Variants in LOXHD1 observed in about 807,000 individuals in gnomAD.
The protein encoded by LOXHD1 is lipoxygenase homology domain-containing protein 1.
In LOXHD1, 205 loss-of-function variants were observed where a neutral mutation model predicts 248.2. The observed-to-expected ratio is 0.83, with a 90% CI of 0.74 to 0.93. The LOEUF is 0.93. Ranked by LOEUF, LOXHD1 falls within the 40% of genes least tolerant of loss-of-function variation. The pLI is 0.00. For synonymous variants in LOXHD1, 1,113 were observed against 1,162.8 expected (o/e 0.96, Z 0.87); for missense variants, 2,930 against 2,971.6 (o/e 0.99, Z 0.33).
At chr18:46,563,015 G>C (rs1272518768) in intron 18 of LOXHD1, 50 bp downstream of exon 18, 2 of 1,510,344 alleles carry the variant, frequency 1.3e-6, no homozygotes, top group Non-Finnish European at 9.0e-7. Flanking sequence ...GAAGCATCTT[G>C]GTGTCCACTG....
At chr18:46,535,888 G>T (rs535247175) in intron 26 of LOXHD1, among the ~76,000 whole-genome samples, 1 of 152,092 alleles carries the variant, frequency 6.6e-6, no homozygotes, top group Non-Finnish European at 1.5e-5. Flanking sequence ...CAGTTCTAAC[G>T]CCTCAGAGAG....
At chr18:46,642,113 C>T (rs1021521042) in intron 2 of LOXHD1, 77 bp from the exon 3 acceptor site, 4 of 1,281,578 alleles carry the variant, frequency 3.1e-6, no homozygotes, top group Admixed American at 2.0e-5. Context: ...GGCTGGCATT[C>T]CGCTTCTTCC....
At chr18:46,479,211 G>A (rs1322307441) in intron 40 of LOXHD1, among the ~76,000 whole-genome samples, 2 of 144,646 alleles carry the variant, frequency 1.4e-5, no homozygotes, top group Non-Finnish European at 3.0e-5. Context: ...TGGCTGAGTT[G>A]AACAAAGAGT....
At chr18:46,646,810 C>T (rs10502874) in intron 2 of LOXHD1, among the ~76,000 whole-genome samples, 1 of 152,240 alleles carries the variant, frequency 6.6e-6, no homozygotes, top group African/African-American at 2.4e-5. Flanking sequence ...TAAAGTCTCG[C>T]TCTAGCCACA....
At chr18:46,485,503 G>A (rs1214907099) in intron 38 of LOXHD1, among the ~76,000 whole-genome samples, 1 of 152,086 alleles carries the variant, frequency 6.6e-6, no homozygotes, top group Non-Finnish European at 1.5e-5. Context: ...CAGTGCAAAA[G>A]CAAAGGGGAA....
At chr18:46,539,088 T>C (rs531989744) in intron 25 of LOXHD1, among the ~76,000 whole-genome samples, 1 of 152,182 alleles carries the variant, frequency 6.6e-6, no homozygotes, top group Non-Finnish European at 1.5e-5. Flanking sequence ...CAGCCACCGG[T>C]GTGAACAGAG....
intron 21 of LOXHD1, among the ~76,000 whole-genome samples, chr18:46,548,745 A>C (rs1257774368): frequency 6.6e-6 from 1 of 152,212 alleles, no homozygotes; most frequent in African/African-American, 2.4e-5. Flanking sequence ...GAGGACAAGG[A>C]CAGAACGAGA....
rs570596633 is a variant in LOXHD1 at position 46,477,341 on chromosome 18, C to T, written c.*131G>A. 6 of 1,247,994 alleles carry T rather than the reference C, an allele frequency of 4.8e-6. No homozygotes were observed. In the African/African-American group the frequency reaches 6.0e-5, roughly 12 times the overall value. 77.3% of individuals were successfully genotyped at this position (1,247,994 alleles called of 1,614,324 possible). Reference sequence around the variant, plus strand: ...GGGGGTAGGGTGGGGAGCAGGACCCCATGAAGTTCTCAGTGGACTGCTAGC... The same window carrying T: ...GGGGGTAGGGTGGGGAGCAGGACCCTATGAAGTTCTCAGTGGACTGCTAGC... On this transcript the variant is annotated 3_prime_UTR_variant, in exon 41 of 41. Coordinates refer to ENST00000642948, the MANE Select transcript of LOXHD1 (RefSeq NM_001384474.1).
intron 40 of LOXHD1, among the ~76,000 whole-genome samples, chr18:46,478,756 G>T (rs1396732918): frequency 6.6e-6 from 1 of 152,026 alleles, no homozygotes; most frequent in Admixed American, 6.6e-5. Flanking sequence ...GCAATGGCGC[G>T]ATCATAGCTC....
intron 12 of LOXHD1, among the ~76,000 whole-genome samples, chr18:46,590,201 C>T (rs1295523488): frequency 6.6e-6 from 1 of 152,066 alleles, no homozygotes; most frequent in Non-Finnish European, 1.5e-5. Flanking sequence ...AGTCCCATTC[C>T]AGACTAACTG....
chr18:46,570,764 A>C (rs1232229701), intron 15 of LOXHD1, among the ~76,000 whole-genome samples: 1 of 152,060 alleles, frequency 6.6e-6, no homozygotes, highest in Non-Finnish European at 1.5e-5. Context: ...AATTGCAAAA[A>C]AGTTTTATGT....
intron 29 of LOXHD1, among the ~76,000 whole-genome samples, chr18:46,525,726 G>C (rs1351823968): frequency 6.6e-6 from 1 of 152,140 alleles, no homozygotes; most frequent in Non-Finnish European, 1.5e-5. Context: ...GAGGGGACAG[G>C]TGACACTGAG....
At chr18:46,551,690 TGATATCACAATCTTGTAAAAA>T (rs947737920) in intron 21 of LOXHD1, among the ~76,000 whole-genome samples, 22 of 152,274 alleles carry the variant, frequency 1.4e-4, no homozygotes, top group South Asian at 6.2e-4. Flanking sequence ...TAAAATTTTC[TGATATCACAATCTTGTAAAAA>T]GATATCACAA....
intron 25 of LOXHD1, among the ~76,000 whole-genome samples, chr18:46,540,006 T>C (rs550100097): frequency 1.3e-5 from 2 of 152,336 alleles, no homozygotes; most frequent in African/African-American, 4.8e-5. Context: ...GCAGTAGTAA[T>C]AGTAGTAATA....
chr18:46,582,345 C>A (rs2037979554), intron 12 of LOXHD1, among the ~76,000 whole-genome samples: 1 of 151,548 alleles, frequency 6.6e-6, no homozygotes, highest in African/African-American at 2.4e-5. Flanking sequence ...TAATATTAAT[C>A]TGAACTAGAT....
At chr18:46,559,211 G>A (rs2037455327) in intron 20 of LOXHD1, 1 of 1,481,984 alleles carries the variant, frequency 6.7e-7, no homozygotes, top group African/African-American at 1.4e-5. Flanking sequence ...TTCTCTGTTT[G>A]TTCCTGTGGG....
rs560805434 is a variant in LOXHD1 at position 46,500,580 on chromosome 18, A to G, written c.5878+5258T>C. Among the ~76,000 whole-genome samples, 17 of 152,286 alleles carry G rather than the reference A, an allele frequency of 1.1e-4. No individual in the cohort carries two copies. In the East Asian group the frequency reaches 3.1e-3, roughly 28 times the overall value. On this transcript the variant is annotated intron_variant, in intron 37 of 40. Coordinates refer to ENST00000642948, the MANE Select transcript of LOXHD1 (RefSeq NM_001384474.1). ...TCTCCATGTAACCTACCTCCCACAG[A>G]CACTACAATGATCTTCTCTGAGTGA...
chr18:46,621,736 A>AT (rs1469551906), intron 4 of LOXHD1, among the ~76,000 whole-genome samples: 4 of 152,020 alleles, frequency 2.6e-5, no homozygotes, highest in African/African-American at 9.7e-5. Flanking sequence ...TGAAAGACCA[A>AT]TTAAAAAAAA....
rs768589402 is a variant in LOXHD1 at position 46,483,602 on chromosome 18, A to C, written c.6326T>G (p.Met2109Arg). ...CAGTACATACACATTGCCGTACTCC[A>C]TCTCGGTGATGGTGATGGTCTTGAC... ...WHVKTITITE[M>R]EYGNVYFFNC... The change falls in exon 40 of 41, where the codon ATG (methionine) becomes AGG (arginine). Residue 2109 changes from methionine (M) to arginine (R), a missense_variant. Met to Arg is a moderately conservative substitution (Grantham distance 91). Coordinates refer to ENST00000642948, the MANE Select transcript of LOXHD1 (RefSeq NM_001384474.1). 3 of 1,550,526 alleles carry C rather than the reference A, an allele frequency of 1.9e-6. No individual in the cohort carries two copies. Among genetic ancestry groups the C allele is most frequent in the Non-Finnish European group, 1.7e-6 (2 of 1,146,674 alleles).
Sources: allele counts gnomAD v4.1 joint callset (sites outside exome capture counted in the v4.1 genomes callset), GRCh38; gene constraint gnomAD v4.1.1; transcripts MANE v1.5; gene names NCBI Gene and HGNC (gene_info 2026-07-23, HGNC 2026-07-21).